The following OXCT1 variants were observed in gnomAD, a reference collection of about 807,000 sequenced individuals.
OXCT1 encodes the protein 3-oxoacid CoA-transferase 1.
Under a neutral mutation model 69.6 loss-of-function variants are expected in OXCT1, and 27 were observed. That is an observed-to-expected ratio of 0.39 (90% CI 0.29 to 0.54). The LOEUF is 0.54. OXCT1 is among the 20% of genes least tolerant of loss of function. The pLI is 0.72. For synonymous variants in OXCT1, 202 were observed against 217.8 expected, an observed-to-expected ratio of 0.93 and a Z score of 0.64; for missense variants, 437 against 650.2, an observed-to-expected ratio of 0.67 and a Z score of 3.57.
chr5:41,816,246 G>A (rs1214974594), intron 7 of OXCT1, among the ~76,000 whole-genome samples: 1 of 152,080 alleles, frequency 6.6e-6, no homozygotes, highest in East Asian at 1.9e-4. Flanking sequence ...AGAAAATTAA[G>A]ATGCCATGTT....
At chr5:41,808,758 G>A (rs1005533987) in intron 7 of OXCT1, among the ~76,000 whole-genome samples, 3 of 151,994 alleles carry the variant, frequency 2.0e-5, no homozygotes, top group Non-Finnish European at 4.4e-5. Flanking sequence ...TTTTCTATTC[G>A]AGGTGGAGGT....
chr5:41,738,015 A>C (rs1742974746), intron 16 of OXCT1, among the ~76,000 whole-genome samples: 1 of 152,192 alleles, frequency 6.6e-6, no homozygotes, highest in African/African-American at 2.4e-5. Flanking sequence ...AGATCGCGCC[A>C]CTGCACTCCA....
chr5:41,870,366 C>A lies in OXCT1; in HGVS notation c.-8G>T. 6.2e-7 allele frequency: 1 copy of A among 1,611,518 alleles called. No individual in the cohort carries two copies. The highest frequency in any genetic ancestry group is 8.5e-7 in the Non-Finnish European group (1 of 1,178,710). On this transcript the variant is annotated 5_prime_UTR_variant, in exon 1 of 17. Transcript: ENST00000196371. This position sits in a 1 kb window ranked among gnomAD's most constrained non-coding sequence, Gnocchi z 4.2. ...GAGTTTGAGAGCCGCCATCTTCGGGCGGTGAGGCAGGAGGAGGCTGCGGGT... is the reference window on the plus strand; with the variant it reads ...GAGTTTGAGAGCCGCCATCTTCGGGAGGTGAGGCAGGAGGAGGCTGCGGGT...
intron 5 of OXCT1, among the ~76,000 whole-genome samples, chr5:41,848,729 A>T (rs1749043471): frequency 6.7e-6 from 1 of 150,186 alleles, no homozygotes; most frequent in African/African-American, 2.5e-5. Flanking sequence ...CTGGCTAGCC[A>T]TATGTACAAA....
At chr5:41,819,648 G>A (rs1210377655) in intron 7 of OXCT1, among the ~76,000 whole-genome samples, 2 of 151,906 alleles carry the variant, frequency 1.3e-5, no homozygotes, top group South Asian at 2.1e-4. Context: ...GAGATAACAG[G>A]CGTGAGCCAC....
Position 41,850,012 on chromosome 5 carries a change from G to T in OXCT1, c.564+18C>A, listed in dbSNP as rs1439534664. ...GAAAGAGGGATCCTGGTATAATCTG[G>T]TTAAGAGTGTTTCTTACCTCTCTTG... On this transcript the variant is annotated intron_variant, in intron 5 of 16. Transcript: ENST00000196371. The T allele has an allele frequency of 1.2e-6, 2 of 1,613,310 alleles. No individual in the cohort carries two copies. Among genetic ancestry groups the T allele is most frequent in the South Asian group, 1.1e-5 (1 of 91,068 alleles).
At chr5:41,786,767 T>C (rs1745659986) in intron 13 of OXCT1, among the ~76,000 whole-genome samples, 1 of 152,230 alleles carries the variant, frequency 6.6e-6, no homozygotes, top group Non-Finnish European at 1.5e-5. Flanking sequence ...GTTCAAAATA[T>C]TGTAAACAGA....
At chr5:41,857,327 C>T (rs924057609) in intron 3 of OXCT1, among the ~76,000 whole-genome samples, 10 of 152,336 alleles carry the variant, frequency 6.6e-5, no homozygotes, top group African/African-American at 2.4e-4. Flanking sequence ...GAGTGGCCTG[C>T]AAGGTCCCAT....
At chr5:41,861,238 T>C in intron 3 of OXCT1, 76 bp downstream of exon 3, 1 of 988,336 alleles carries the variant, frequency 1.0e-6, no homozygotes, top group Non-Finnish European at 1.6e-6. Flanking sequence ...AAAACTTCAT[T>C]TCATTGATAA....
intron 13 of OXCT1, among the ~76,000 whole-genome samples, chr5:41,791,951 T>A (rs911729806): frequency 6.6e-6 from 1 of 152,104 alleles, no homozygotes; most frequent in Non-Finnish European, 1.5e-5. Flanking sequence ...CTCAAGCGCA[T>A]GCCACCACGC....
intron 7 of OXCT1, among the ~76,000 whole-genome samples, chr5:41,836,343 G>C (rs2112383953): frequency 6.6e-6 from 1 of 152,324 alleles, no homozygotes; most frequent in Non-Finnish European, 1.5e-5. Flanking sequence ...AAGAGGGGTA[G>C]GAAGATACAG....
intron 15 of OXCT1, among the ~76,000 whole-genome samples, chr5:41,740,422 A>G (rs920117498): frequency 6.6e-6 from 1 of 152,180 alleles, no homozygotes; most frequent in Non-Finnish European, 1.5e-5. Context: ...AAATCAAATG[A>G]AGATGCTTAT....
At chr5:41,835,468 C>T (rs972356927) in intron 7 of OXCT1, among the ~76,000 whole-genome samples, 1 of 152,100 alleles carries the variant, frequency 6.6e-6, no homozygotes, top group African/African-American at 2.4e-5. Flanking sequence ...TTCTATATGT[C>T]CATTAACCTC....
intron 7 of OXCT1, among the ~76,000 whole-genome samples, chr5:41,825,639 C>G (rs1019043907): frequency 6.6e-6 from 1 of 152,112 alleles, no homozygotes; most frequent in African/African-American, 2.4e-5. Flanking sequence ...ATCTGAGGCC[C>G]TCTTTATTTA....
chr5:41,805,439 A>G (rs75649403), intron 9 of OXCT1, 128 bp downstream of exon 9: 2 of 660,534 alleles, frequency 3.0e-6, no homozygotes, highest in East Asian at 2.8e-5. Context: ...AAAAAAAAAA[A>G]TTGATTAATT....
intron 7 of OXCT1, among the ~76,000 whole-genome samples, chr5:41,819,000 T>G (rs1747393975): frequency 6.6e-6 from 1 of 152,032 alleles, no homozygotes; most frequent in Admixed American, 6.6e-5. Context: ...AATTATCACT[T>G]CAGTATTTGT....
intron 14 of OXCT1, among the ~76,000 whole-genome samples, chr5:41,760,811 C>T (rs1561368968): frequency 6.6e-6 from 1 of 152,098 alleles, no homozygotes; most frequent in Admixed American, 6.6e-5. Context: ...CATATTTATG[C>T]ACCACTGCTC....
At chr5:41,757,285 T>C (rs1744124925) in intron 14 of OXCT1, among the ~76,000 whole-genome samples, 1 of 152,054 alleles carries the variant, frequency 6.6e-6, no homozygotes, top group African/African-American at 2.4e-5. Context: ...GTCTATTCTT[T>C]TATTTCCTGC....
At chr5:41,809,129 A>T (rs1373821148) in intron 7 of OXCT1, among the ~76,000 whole-genome samples, 2 of 152,054 alleles carry the variant, frequency 1.3e-5, no homozygotes, top group Non-Finnish European at 2.9e-5. Context: ...TGTATAAGTA[A>T]ATAAAAATTT....
Sources: allele counts gnomAD v4.1 joint callset (sites outside exome capture counted in the v4.1 genomes callset), GRCh38; gene constraint gnomAD v4.1.1; non-coding constraint Gnocchi (gnomAD v3.1); transcripts MANE v1.5; gene names NCBI Gene and HGNC (gene_info 2026-07-23, HGNC 2026-07-21).